Variants in MEOX2 observed in about 807,000 individuals in gnomAD.
MEOX2 encodes the protein homeobox protein MOX-2.
MEOX2 carries 11 observed loss-of-function variants against 27.0 expected under a neutral mutation model. The observed-to-expected ratio is 0.41, with a 90% CI of 0.26 to 0.68. MEOX2 has a LOEUF of 0.68. Ranked by LOEUF, MEOX2 falls within the 30% of genes least tolerant of loss-of-function variation. The probability of loss-of-function intolerance (pLI) is 0.33; values close to 1 mark genes in which losing one functional copy is unlikely to be tolerated. For missense variants in MEOX2, 436 were observed against 385.4 expected (o/e 1.13, Z -1.10); for synonymous variants, 189 against 155.4 (o/e 1.22, Z -1.61).
At chr7:15,612,761 G>T in intron 2 of MEOX2, 150 bp from the exon 3 acceptor site, 1 of 640,972 alleles carries the variant, frequency 1.6e-6, no homozygotes, top group Non-Finnish European at 2.7e-6. Context: ...AATCCACGTT[G>T]AATTTAATCA....
chr7:15,634,309 G>C (rs947733438), intron 1 of MEOX2, among the ~76,000 whole-genome samples: 3 of 151,878 alleles, frequency 2.0e-5, no homozygotes, highest in Admixed American at 6.6e-5. Flanking sequence ...ACAGTTCTGG[G>C]CTTTGTAGAA....
chr7:15,617,971 G>C (rs2115354402), intron 2 of MEOX2, among the ~76,000 whole-genome samples: 1 of 152,078 alleles, frequency 6.6e-6, no homozygotes, highest in Admixed American at 6.6e-5. Context: ...CCCTTTCTTG[G>C]GGCAACAGAT....
chr7:15,616,396 A>T (rs1429081742), intron 2 of MEOX2, among the ~76,000 whole-genome samples: 1 of 151,798 alleles, frequency 6.6e-6, no homozygotes, highest in African/African-American at 2.4e-5. Flanking sequence ...ATGGAGAAGG[A>T]TTTTTGGAAA....
At chr7:15,659,352 T>TAA (rs1166902688) in intron 1 of MEOX2, among the ~76,000 whole-genome samples, 1 of 152,088 alleles carries the variant, frequency 6.6e-6, no homozygotes, top group Non-Finnish European at 1.5e-5. Flanking sequence ...TTAGTGGTAG[T>TAA]AAAAAAACAA....
intron 1 of MEOX2, among the ~76,000 whole-genome samples, chr7:15,644,265 AT>A (rs1781608857): frequency 6.6e-6 from 1 of 152,042 alleles, no homozygotes. Context: ...TATGTTCTCC[AT>A]TTGGCTCCCT....
intron 1 of MEOX2, among the ~76,000 whole-genome samples, chr7:15,635,457 T>C (rs1781466101): frequency 6.6e-6 from 1 of 152,022 alleles, no homozygotes; most frequent in Non-Finnish European, 1.5e-5. Context: ...TATCTGCTTA[T>C]TCAACCCCTA....
At chr7:15,656,552 G>A (rs964063631) in intron 1 of MEOX2, among the ~76,000 whole-genome samples, 2 of 151,390 alleles carry the variant, frequency 1.3e-5, no homozygotes, top group Non-Finnish European at 3.0e-5. Context: ...AATAATCACA[G>A]TCTACTGGTG....
chr7:15,612,618 C>T lies in MEOX2; in HGVS notation c.691-7G>A, dbSNP rs201813802. The T allele has an allele frequency of 9.2e-5, 148 of 1,611,070 alleles. No individual in the cohort carries two copies. In the East Asian group the frequency reaches 2.9e-3, roughly 31 times the overall value. On this transcript the variant is annotated splice_polypyrimidine_tract_variant and splice_region_variant and intron_variant, in intron 2 of 2. Coordinates refer to ENST00000262041, the MANE Select transcript of MEOX2 (RefSeq NM_005924.5). ...TTTGGAACCAGACTTTCACCTTCAA[C>T]CAAGAAAGGGAACAAACAAACAGAA...
At chr7:15,656,458 C>T (rs531046641) in intron 1 of MEOX2, among the ~76,000 whole-genome samples, 2 of 149,238 alleles carry the variant, frequency 1.3e-5, no homozygotes, top group African/African-American at 2.5e-5. Context: ...TCCTGCCATT[C>T]CCTTGGTTAA....
chr7:15,619,788 A>AT (rs1781191945), intron 2 of MEOX2, among the ~76,000 whole-genome samples: 2 of 151,738 alleles, frequency 1.3e-5, no homozygotes, highest in African/African-American at 2.4e-5. Flanking sequence ...GGTAACGTTT[A>AT]TTTTTCTTTG....
rs780232088 is a variant in MEOX2 at position 15,626,865 on chromosome 7, T to G, written c.571A>C (p.Arg191=). 3.7e-6 allele frequency: 6 copies of G among 1,612,352 alleles called. No homozygotes were observed. Among genetic ancestry groups the G allele is most frequent in the Non-Finnish European group, 5.1e-6 (6 of 1,179,412 alleles). The part of the protein sequence containing the change: ...SEVNSKPRKE[R]TAFTKEQIRE... ...ATTTGCTCTTTGGTAAATGCTGTCC[T>G]TTCTTTCCTGGGTTTGCTGTTGACT... Residue 191 remains arginine, a synonymous_variant, in exon 2 of 3, where the codon AGG becomes CGG. Coordinates refer to ENST00000262041, the MANE Select transcript of MEOX2 (RefSeq NM_005924.5).
At chr7:15,630,726 C>A (rs972022374) in intron 1 of MEOX2, among the ~76,000 whole-genome samples, 3 of 151,900 alleles carry the variant, frequency 2.0e-5, no homozygotes, top group Non-Finnish European at 2.9e-5. Flanking sequence ...TTATGGAAAG[C>A]TAATAATTTT....
chr7:15,636,303 A>C (rs1455834644), intron 1 of MEOX2, among the ~76,000 whole-genome samples: 1 of 151,994 alleles, frequency 6.6e-6, no homozygotes, highest in East Asian at 1.9e-4. Flanking sequence ...ATCATATCGG[A>C]AGATTAATGA....
At chr7:15,632,955 C>A (rs1781425005) in intron 1 of MEOX2, among the ~76,000 whole-genome samples, 1 of 151,976 alleles carries the variant, frequency 6.6e-6, no homozygotes, top group Non-Finnish European at 1.5e-5. Context: ...TTTGCACCTA[C>A]AGTGGGACTA....
chr7:15,627,136 A>G (rs1468782547), intron 1 of MEOX2, among the ~76,000 whole-genome samples: 3 of 152,006 alleles, frequency 2.0e-5, no homozygotes, highest in Non-Finnish European at 2.9e-5. Flanking sequence ...CATTTGGGAA[A>G]GCATGTAATT....
chr7:15,678,073 T>C (rs1782230764), intron 1 of MEOX2, among the ~76,000 whole-genome samples: 2 of 152,312 alleles, frequency 1.3e-5, no homozygotes, highest in East Asian at 1.9e-4. Context: ...AGCCTCCAAA[T>C]AGGGATGCCT....
chr7:15,647,545 C>T (rs1028177646), intron 1 of MEOX2, among the ~76,000 whole-genome samples: 12 of 152,052 alleles, frequency 7.9e-5, no homozygotes, highest in Admixed American at 1.3e-4. Flanking sequence ...TTAGCATAGA[C>T]ATTCTCAAGG....
In MEOX2 at chr7:15,617,948, G is replaced by C. The variant is rs187239496; in HGVS notation, c.691-5337C>G. 1.1e-4 allele frequency among the ~76,000 whole-genome samples: 17 copies of C among 152,124 alleles called. No homozygotes were observed. The East Asian group carries it at 3.1e-3, about 28-fold the overall frequency. ...GACAGCCATGGACAAATAACATATT[G>C]AACAAGGATTAACCCTTTCTTGGGG... On this transcript the variant is annotated intron_variant, in intron 2 of 2. Transcript: ENST00000262041.
chr7:15,638,007 T>A (rs1428201994), intron 1 of MEOX2, among the ~76,000 whole-genome samples: 3 of 152,218 alleles, frequency 2.0e-5, no homozygotes, highest in Admixed American at 6.6e-5. Flanking sequence ...TAAGTCAAAT[T>A]TATTAGTTTA....
Sources: allele counts gnomAD v4.1 joint callset (sites outside exome capture counted in the v4.1 genomes callset), GRCh38; gene constraint gnomAD v4.1.1; transcripts MANE v1.5; gene names NCBI Gene and HGNC (gene_info 2026-07-23, HGNC 2026-07-21).